Variants in FNIP1 observed in about 807,000 individuals in gnomAD.
FNIP1 encodes folliculin-interacting protein 1.
A neutral mutation model predicts 124.5 loss-of-function variants in FNIP1; 40 were observed. The observed-to-expected ratio is 0.32, with a 90% CI of 0.25 to 0.42. The LOEUF is 0.42. Ranked by LOEUF, FNIP1 falls within the 10% of genes least tolerant of loss-of-function variation. The pLI is 1.00. For synonymous variants in FNIP1, 472 were observed against 470.6 expected, an observed-to-expected ratio of 1.00 and a Z score of -0.04; for missense variants, 1,176 against 1,403.7, an observed-to-expected ratio of 0.84 and a Z score of 2.59.
chr5:131,768,883 A>C (rs1260555914), intron 1 of FNIP1, among the ~76,000 whole-genome samples: 1 of 152,226 alleles, frequency 6.6e-6, no homozygotes, highest in East Asian at 1.9e-4. Flanking sequence ...TATTTAACTC[A>C]AATGACTAAG....
In FNIP1 at chr5:131,672,627, G is replaced by A. The variant is rs1220043459; in HGVS notation, c.1817C>T (p.Pro606Leu). The change falls in exon 14 of 18, where the codon CCC becomes CTC. Residue 606 changes from proline to leucine, a missense_variant. Around this residue, in one of 2 missense-constraint regions of FNIP1, gnomAD observed 1,109 missense variants for 1,288.5 expected, o/e 0.86. Transcript: ENST00000510461. ...ACTGCAATATTTACAGTTACAATTG[G>A]GAGTTCTAATTTCTTCTGACTCTTT... is the stretch of plus-strand genomic sequence containing the variant. ...LFKESEEIRT[P>L]NCNCKYCSHP... 1 of 1,614,090 alleles carries A rather than the reference G, an allele frequency of 6.2e-7. No individual in the cohort carries two copies.
In FNIP1 at chr5:131,781,514, C is replaced by T. The variant is rs936915115; in HGVS notation, c.92+15316G>A. On this transcript the variant is annotated intron_variant, in intron 1 of 17. Transcript: ENST00000510461. The stretch of plus-strand genomic sequence containing the variant: ...TGAAGCCAAAGCTCATTTGCCATTC[C>T]GAAAATCCTACAGCCCTTAAGAATG... Among the ~76,000 whole-genome samples the T allele has an allele frequency of 2.6e-5, 4 of 152,264 alleles. No individual in the cohort carries two copies. In the South Asian group the frequency reaches 6.2e-4, roughly 24 times the overall value.
Position 131,696,681 on chromosome 5 carries a change from AAATT to A in FNIP1, c.1202+2232_1202+2235del, listed in dbSNP as rs1263314135. Among the ~76,000 whole-genome samples the A allele has an allele frequency of 4.6e-5, 7 of 152,276 alleles. No individual in the cohort carries two copies. The East Asian group carries it at 7.7e-4, about 17-fold the overall frequency. On this transcript the variant is annotated intron_variant, in intron 11 of 17. Transcript: ENST00000510461. ...AATGCCTAAAATTAATGTTAAAATA[AAATT>A]AATATATGGCAGAAATATCATCTCA...
At chr5:131,784,637 AAAGT>A (rs1168297302) in intron 1 of FNIP1, among the ~76,000 whole-genome samples, 2 of 151,670 alleles carry the variant, frequency 1.3e-5, no homozygotes, top group African/African-American at 4.9e-5. Flanking sequence ...CCTGGGCAAC[AAAGT>A]AAGACCCCCC....
At chr5:131,783,292 G>GA (rs1322340621) in intron 1 of FNIP1, among the ~76,000 whole-genome samples, 1 of 151,752 alleles carries the variant, frequency 6.6e-6, no homozygotes, top group Non-Finnish European at 1.5e-5. Flanking sequence ...AAACAGATCT[G>GA]AAAAAAGAGA....
chr5:131,764,797 C>T (rs1199416862), intron 1 of FNIP1, among the ~76,000 whole-genome samples: 1 of 152,024 alleles, frequency 6.6e-6, no homozygotes, highest in East Asian at 1.9e-4. Flanking sequence ...GGACTAGATA[C>T]AATAACTCCT....
At chr5:131,646,817 T>C (rs937497338) in intron 17 of FNIP1, among the ~76,000 whole-genome samples, 1 of 152,210 alleles carries the variant, frequency 6.6e-6, no homozygotes, top group African/African-American at 2.4e-5. Context: ...TAAATGAGTA[T>C]GTACTTATGT....
chr5:131,756,885 G>A (rs533810481), intron 1 of FNIP1, among the ~76,000 whole-genome samples: 18 of 152,256 alleles, frequency 1.2e-4, no homozygotes, highest in East Asian at 1.2e-3. Context: ...CATATTTGGG[G>A]GCCCAGCTGA....
chr5:131,752,283 T>A (rs1770899418), intron 1 of FNIP1, among the ~76,000 whole-genome samples: 1 of 152,130 alleles, frequency 6.6e-6, no homozygotes, highest in East Asian at 1.9e-4. Context: ...GACCTCATGA[T>A]CTGCCTGCCT....
intron 1 of FNIP1, among the ~76,000 whole-genome samples, chr5:131,773,908 A>T (rs1014865634): frequency 1.3e-5 from 2 of 152,190 alleles, no homozygotes; most frequent in Non-Finnish European, 2.9e-5. Flanking sequence ...TCTCTACAGG[A>T]TCTCATTCTT....
At chr5:131,776,764 T>C (rs1179159477) in intron 1 of FNIP1, among the ~76,000 whole-genome samples, 1 of 152,116 alleles carries the variant, frequency 6.6e-6, no homozygotes, top group Non-Finnish European at 1.5e-5. Flanking sequence ...CAGGCAAAGA[T>C]GAGGGAGAGT....
chr5:131,660,325 C>T (rs1410530261), intron 15 of FNIP1, among the ~76,000 whole-genome samples: 2 of 152,144 alleles, frequency 1.3e-5, no homozygotes, highest in African/African-American at 2.4e-5. Flanking sequence ...AGACATTATT[C>T]TGGAGATTAT....
At chr5:131,730,224 A>T (rs1240218103) in intron 3 of FNIP1, among the ~76,000 whole-genome samples, 1 of 152,230 alleles carries the variant, frequency 6.6e-6, no homozygotes, top group Non-Finnish European at 1.5e-5. Flanking sequence ...TAGTAATTTC[A>T]GACTCTTTTC....
At chr5:131,704,019 A>G in intron 10 of FNIP1, 46 bp downstream of exon 10, 1 of 1,433,660 alleles carries the variant, frequency 7.0e-7, no homozygotes, top group Non-Finnish European at 9.5e-7. Context: ...TAATTGGGAG[A>G]ATAAGATTTT....
At chr5:131,677,477 A>T (rs1580747159) in intron 13 of FNIP1, 1 of 440,512 alleles carries the variant, frequency 2.3e-6, no homozygotes, top group East Asian at 3.4e-5. Flanking sequence ...ACGAGCTATC[A>T]GCCTGCTCCT....
intron 1 of FNIP1, among the ~76,000 whole-genome samples, chr5:131,785,267 C>A (rs1772167944): frequency 6.6e-6 from 1 of 150,802 alleles, no homozygotes; most frequent in Non-Finnish European, 1.5e-5. Context: ...CAGATTTTAA[C>A]AAGTAGGCCG....
intron 13 of FNIP1, 144 bp from the exon 14 acceptor site, chr5:131,673,068 G>A: frequency 1.8e-6 from 1 of 564,158 alleles, no homozygotes; most frequent in South Asian, 3.1e-5. Flanking sequence ...TTTTTTTTGA[G>A]ACAGGGTCTC....
rs576582843 is a variant in FNIP1 at position 131,710,571 on chromosome 5, C to T, written c.706+7G>A. ...CAACTAGTCTACCCACACAGCACAT[C>T]GCAAACCTGCAAAGAAAGAGGCGCT... On this transcript the variant is annotated splice_region_variant and intron_variant, in intron 7 of 17. Coordinates refer to ENST00000510461, the MANE Select transcript of FNIP1 (RefSeq NM_133372.3). 10 of 1,613,242 alleles carry T rather than the reference C, an allele frequency of 6.2e-6. No individual in the cohort carries two copies. The African/African-American group carries it at 6.7e-5, about 11-fold the overall frequency.
intron 11 of FNIP1, among the ~76,000 whole-genome samples, chr5:131,693,800 G>A (rs1561658769): frequency 6.6e-6 from 1 of 151,820 alleles, no homozygotes; most frequent in African/African-American, 2.4e-5. Context: ...ACTGTAAGAA[G>A]TATTTTTTTT....
Sources: gnomAD v4.1 joint callset for allele counts (sites outside exome capture counted in the v4.1 genomes callset) on GRCh38, gnomAD v4.1.1 for gene constraint, gnomAD v4.1.1 regional missense constraint, MANE v1.5 for transcripts, NCBI Gene and HGNC (gene_info 2026-07-23, HGNC 2026-07-21) for gene names.